AGPAT3: variants seen among roughly 807,000 people sequenced by gnomAD.
The protein encoded by AGPAT3 is 1-acylglycerol-3-phosphate O-acyltransferase 3.
AGPAT3 carries 5 observed loss-of-function variants against 47.3 expected under a neutral mutation model. The ratio of observed to expected loss-of-function variants is 0.11; its 90% CI spans 0.06 to 0.22. The LOEUF (loss-of-function observed/expected upper bound fraction) is 0.22, where lower values mean the gene tolerates loss of function less well. Among genes scored for constraint, AGPAT3 ranks in the 10% least tolerant of loss-of-function variants. The pLI is 1.00. For missense variants in AGPAT3, 315 were observed against 493.0 expected (o/e 0.64, Z 3.42); for synonymous variants, 212 against 208.3 (o/e 1.02, Z -0.15).
At chr21:43,958,460 T>G (rs1406073093) in intron 2 of AGPAT3, among the ~76,000 whole-genome samples, 1 of 151,662 alleles carries the variant, frequency 6.6e-6, no homozygotes, top group African/African-American at 2.4e-5. Flanking sequence ...ACAGTGTGTG[T>G]GGTTTGTGGT....
Position 43,933,965 on chromosome 21 carries a change from T to C in AGPAT3, c.-48-25669T>C, listed in dbSNP as rs1271119213. 6.6e-6 allele frequency among the ~76,000 whole-genome samples: 1 copy of C among 152,200 alleles called. No individual in the cohort carries two copies. Among genetic ancestry groups the C allele is most frequent in the Non-Finnish European group, 1.5e-5 (1 of 68,032 alleles). ...GGAACAGCCTGGGGTCCCCATGTGC[T>C]GTCACTGTGTGGACTGGCCACACCT... On this transcript the variant is annotated intron_variant, in intron 2 of 9. Transcript: ENST00000291572. This position sits in a 1 kb window ranked among gnomAD's most constrained non-coding sequence, Gnocchi z 6.0.
intron 1 of AGPAT3, among the ~76,000 whole-genome samples, chr21:43,881,567 G>A (rs1205114471): frequency 6.6e-6 from 1 of 152,248 alleles, no homozygotes; most frequent in Admixed American, 6.5e-5. Flanking sequence ...TGATATGAAA[G>A]AGAATGTAAG....
In AGPAT3 at chr21:43,933,879, G is replaced by C. The variant is rs2087342825; in HGVS notation, c.-48-25755G>C. Among the ~76,000 whole-genome samples, 1 of 152,216 alleles carries C rather than the reference G, an allele frequency of 6.6e-6. No homozygotes were observed. On this transcript the variant is annotated intron_variant, in intron 2 of 9. Coordinates refer to ENST00000291572, the MANE Select transcript of AGPAT3 (RefSeq NM_020132.5). This position sits in a 1 kb window ranked among gnomAD's most constrained non-coding sequence, Gnocchi z 6.0. ...AGTGGACAGTGGCATGGAAACGCCA[G>C]AGGGTTAGAACTGAGCAGCAGGACG...
chr21:43,921,955 G>T (rs1249625873), intron 2 of AGPAT3, among the ~76,000 whole-genome samples: 2 of 152,140 alleles, frequency 1.3e-5, no homozygotes, highest in Non-Finnish European at 2.9e-5. Context: ...CTCCCCGGGG[G>T]TCACCATCAG....
Position 43,970,604 on chromosome 21 carries a change from C to G in AGPAT3, c.511-49C>G. ...GAGGCAGGCCTGGCCTGGACATGCA[C>G]CCACCCCAGCTGCTCTGTGGAGTGA... On this transcript the variant is annotated intron_variant, in intron 5 of 9. Coordinates refer to ENST00000291572, the MANE Select transcript of AGPAT3 (RefSeq NM_020132.5). The surrounding 1 kb of genome is among the most constrained non-coding windows in gnomAD (Gnocchi z 5.8). 1 of 1,598,128 alleles carries G rather than the reference C, an allele frequency of 6.3e-7. No individual in the cohort carries two copies. The highest frequency in any genetic ancestry group is 8.5e-7 in the Non-Finnish European group (1 of 1,170,674).
chr21:43,933,279 G>A lies in AGPAT3; in HGVS notation c.-48-26355G>A, dbSNP rs1005600027. Among the ~76,000 whole-genome samples, 1 of 152,204 alleles carries A rather than the reference G, an allele frequency of 6.6e-6. No homozygotes were observed. The highest frequency in any genetic ancestry group is 1.9e-4 in the East Asian group (1 of 5,176). On this transcript the variant is annotated intron_variant, in intron 2 of 9. Coordinates refer to ENST00000291572, the MANE Select transcript of AGPAT3 (RefSeq NM_020132.5). The surrounding 1 kb of genome is among the most constrained non-coding windows in gnomAD (Gnocchi z 6.0). Reference sequence around the variant, plus strand: ...TATTGAGTCTGAGCCCCTTTACCCTGTGGATGCTGGGCCTGCATCGGGCAT... The same window carrying A: ...TATTGAGTCTGAGCCCCTTTACCCTATGGATGCTGGGCCTGCATCGGGCAT...
chr21:43,916,755 G>T (rs1243854685), intron 2 of AGPAT3, among the ~76,000 whole-genome samples: 1 of 152,114 alleles, frequency 6.6e-6, no homozygotes, highest in Non-Finnish European at 1.5e-5. Flanking sequence ...GTCATTTTGT[G>T]TATTTTAGGG....
chr21:43,923,304 G>A (rs2086950970), intron 2 of AGPAT3, among the ~76,000 whole-genome samples: 3 of 152,334 alleles, frequency 2.0e-5, no homozygotes, highest in South Asian at 4.1e-4. Flanking sequence ...AACGCCTCGG[G>A]AAGCAGCCTG....
intron 2 of AGPAT3, among the ~76,000 whole-genome samples, chr21:43,923,925 A>G (rs576985083): frequency 6.6e-6 from 1 of 152,244 alleles, no homozygotes; most frequent in Admixed American, 6.5e-5. Flanking sequence ...AGTGCTGTCG[A>G]GGGCCCCGCA....
chr21:43,935,558 G>A (rs1368202493), intron 2 of AGPAT3, among the ~76,000 whole-genome samples: 4 of 152,258 alleles, frequency 2.6e-5, no homozygotes, highest in Non-Finnish European at 5.9e-5. Context: ...ACTGGGCATC[G>A]GCGCTGCTGC....
At chr21:43,980,901 T>C in intron 8 of AGPAT3, 88 bp from the exon 9 acceptor site, 2 of 1,341,506 alleles carry the variant, frequency 1.5e-6, no homozygotes, top group Admixed American at 4.0e-5. Flanking sequence ...GGTTGAGTCG[T>C]TTTTCATTGC....
At chr21:43,944,890 G>A (rs554733285) in intron 2 of AGPAT3, among the ~76,000 whole-genome samples, 2 of 152,174 alleles carry the variant, frequency 1.3e-5, no homozygotes, top group South Asian at 2.1e-4. Context: ...GTCCAGGTGC[G>A]GGGGGGCCAC....
Position 43,952,051 on chromosome 21 carries a change from G to C in AGPAT3, c.-48-7583G>C, listed in dbSNP as rs2088219762. On this transcript the variant is annotated intron_variant, in intron 2 of 9. Transcript: ENST00000291572. The surrounding 1 kb of genome is among the most constrained non-coding windows in gnomAD (Gnocchi z 5.6). Reference sequence around the variant, plus strand: ...TGCAGCGAAGGACCTGGGGCAGGCAGGGGGTGGGCTGGATGGCGGAACACG... The same window carrying C: ...TGCAGCGAAGGACCTGGGGCAGGCACGGGGTGGGCTGGATGGCGGAACACG... Among the ~76,000 whole-genome samples the C allele has an allele frequency of 6.6e-6, 1 of 152,134 alleles. No individual in the cohort carries two copies. Among genetic ancestry groups the C allele is most frequent in the South Asian group, 2.1e-4 (1 of 4,828 alleles).
At chr21:43,978,445 G>A (rs1336912955) in intron 8 of AGPAT3, among the ~76,000 whole-genome samples, 2 of 152,230 alleles carry the variant, frequency 1.3e-5, no homozygotes, top group Non-Finnish European at 2.9e-5. Context: ...TGGAGCTACA[G>A]GCGCAAGCCA....
chr21:43,977,455 C>T (rs567383885), intron 7 of AGPAT3, among the ~76,000 whole-genome samples: 5 of 152,288 alleles, frequency 3.3e-5, no homozygotes, highest in African/African-American at 9.6e-5. Flanking sequence ...TCGTGGGCAC[C>T]CTGGGGGTTA....
At chr21:43,913,361 G>A (rs937547284) in intron 2 of AGPAT3, among the ~76,000 whole-genome samples, 1 of 152,202 alleles carries the variant, frequency 6.6e-6, no homozygotes, top group African/African-American at 2.4e-5. Context: ...ACTTTGGGAG[G>A]CCGAGGTGAG....
Position 43,935,989 on chromosome 21 carries a change from C to T in AGPAT3, c.-48-23645C>T, listed in dbSNP as rs1032916056. ...CAGAGTGTAGAACAGTAGCGGAGCC[C>T]GCCCAGCTGTTCCTAAGCAAGGCCT... On this transcript the variant is annotated intron_variant, in intron 2 of 9. Coordinates refer to ENST00000291572, the MANE Select transcript of AGPAT3 (RefSeq NM_020132.5). 5.3e-5 allele frequency among the ~76,000 whole-genome samples: 8 copies of T among 152,202 alleles called. No individual in the cohort carries two copies. In the East Asian group the frequency reaches 5.8e-4, roughly 11 times the overall value.
intron 2 of AGPAT3, among the ~76,000 whole-genome samples, chr21:43,959,413 T>G (rs1463301185): frequency 1.4e-5 from 2 of 139,452 alleles, no homozygotes; most frequent in South Asian, 4.7e-4. Context: ...GGTGTGTGTG[T>G]GGTTTGTGGT....
chr21:43,980,414 C>T (rs551814169), intron 8 of AGPAT3, among the ~76,000 whole-genome samples: 2 of 152,340 alleles, frequency 1.3e-5, no homozygotes, highest in East Asian at 3.9e-4. Context: ...ATGGTGATTT[C>T]CTGCCAGCCT....
Sources: allele counts gnomAD v4.1 joint callset (sites outside exome capture counted in the v4.1 genomes callset), GRCh38; gene constraint gnomAD v4.1.1; non-coding constraint Gnocchi (gnomAD v3.1); transcripts MANE v1.5; gene names NCBI Gene and HGNC (gene_info 2026-07-23, HGNC 2026-07-21).